MB21D2: variants seen among roughly 807,000 people sequenced by gnomAD.
MB21D2 encodes Mab-21 domain containing 2, also known as nucleotidyltransferase MB21D2.
In MB21D2, 9 loss-of-function variants were observed where a neutral mutation model predicts 33.3. The observed-to-expected ratio is 0.27, with a 90% confidence interval of 0.16 to 0.47. The LOEUF (loss-of-function observed/expected upper bound fraction) is 0.47, where lower values mean the gene tolerates loss of function less well. MB21D2 is among the 20% of genes least tolerant of loss of function. MB21D2 has a pLI of 0.99. For missense variants in MB21D2, 540 were observed against 624.6 expected (o/e 0.86, Z 1.44); for synonymous variants, 241 against 236.3 (o/e 1.02, Z -0.18).
At chr3:192,896,874 G>A (rs554115520) in intron 1 of MB21D2, among the ~76,000 whole-genome samples, 1 of 152,302 alleles carries the variant, frequency 6.6e-6, no homozygotes, top group African/African-American at 2.4e-5. Context: ...CCCCCTAGGA[G>A]GAGCAAAGAG....
At position 192,884,657 on chromosome 3, in the gene MB21D2, G is replaced by A. The variant is rs189582937; in HGVS notation, c.211+32973C>T. On this transcript the variant is annotated intron_variant, in intron 1 of 1. Coordinates refer to ENST00000392452, the MANE Select transcript of MB21D2 (RefSeq NM_178496.4). The stretch of plus-strand genomic sequence containing the variant: ...GCTGGCATTACAGGCGTGAGCCATC[G>A]CACCCGGCCAGAGGTGCATGTCTTG... Among the ~76,000 whole-genome samples, 82 of 152,102 alleles carry A rather than the reference G, an allele frequency of 5.4e-4. 1 individual carries two copies. The highest frequency in any genetic ancestry group is 8.3e-4 in the South Asian group (4 of 4,812).
intron 1 of MB21D2, among the ~76,000 whole-genome samples, chr3:192,896,658 A>G (rs1352667765): frequency 6.6e-6 from 1 of 152,236 alleles, no homozygotes; most frequent in Non-Finnish European, 1.5e-5. Context: ...AGACATTGCC[A>G]CTGGAAACTA....
At chr3:192,908,054 A>G (rs935160468) in intron 1 of MB21D2, among the ~76,000 whole-genome samples, 3 of 152,190 alleles carry the variant, frequency 2.0e-5, no homozygotes, top group Non-Finnish European at 4.4e-5. Context: ...GAATGTAGAA[A>G]AACTTGCCCT....
At chr3:192,805,514 C>A (rs1426350406) in intron 1 of MB21D2, among the ~76,000 whole-genome samples, 1 of 152,070 alleles carries the variant, frequency 6.6e-6, no homozygotes, top group Non-Finnish European at 1.5e-5. Context: ...TGGTAATGCC[C>A]TATTGACCAG....
chr3:192,807,892 C>T (rs1042003416), intron 1 of MB21D2, among the ~76,000 whole-genome samples: 5 of 151,580 alleles, frequency 3.3e-5, no homozygotes, highest in Admixed American at 3.3e-4. Context: ...AGTAACAAAG[C>T]TAATATCTCA....
chr3:192,833,027 T>G (rs1560234199), intron 1 of MB21D2, among the ~76,000 whole-genome samples: 1 of 151,100 alleles, frequency 6.6e-6, no homozygotes, highest in Non-Finnish European at 1.5e-5. Context: ...TAGTAAAATC[T>G]TTTTCCTTTA....
At chr3:192,831,833 G>A (rs918295011) in intron 1 of MB21D2, among the ~76,000 whole-genome samples, 9 of 152,208 alleles carry the variant, frequency 5.9e-5, no homozygotes, top group Admixed American at 3.9e-4. Context: ...GAAAAGACTG[G>A]AAGGATGAAG....
At chr3:192,822,535 G>A (rs1416232581) in intron 1 of MB21D2, among the ~76,000 whole-genome samples, 5 of 152,184 alleles carry the variant, frequency 3.3e-5, no homozygotes, top group Admixed American at 6.5e-5. Context: ...GGTCCACCAC[G>A]GGGAAGTGCT....
At chr3:192,841,661 C>G (rs543404177) in intron 1 of MB21D2, among the ~76,000 whole-genome samples, 1 of 152,216 alleles carries the variant, frequency 6.6e-6, no homozygotes, top group South Asian at 2.1e-4. Flanking sequence ...TGAGCCAGAG[C>G]CACCTGCTAA....
chr3:192,889,396 A>C lies in MB21D2; in HGVS notation c.211+28234T>G, dbSNP rs185347191. 5.9e-5 allele frequency among the ~76,000 whole-genome samples: 9 copies of C among 152,264 alleles called. No individual in the cohort carries two copies. In the East Asian group the frequency reaches 1.7e-3, roughly 29 times the overall value. On this transcript the variant is annotated intron_variant, in intron 1 of 1. Coordinates refer to ENST00000392452, the MANE Select transcript of MB21D2 (RefSeq NM_178496.4). ...AGAGAGCAGGAGCTCTTGGCAGAAA[A>C]GAATTCAATGGGCTGCTTATTACAG...
intron 1 of MB21D2, among the ~76,000 whole-genome samples, chr3:192,880,625 G>C (rs1484195059): frequency 6.6e-6 from 1 of 152,014 alleles, no homozygotes; most frequent in African/African-American, 2.4e-5. Flanking sequence ...GCTGTCGGAG[G>C]GGACGGACTC....
At chr3:192,822,258 T>C (rs59263900) in intron 1 of MB21D2, among the ~76,000 whole-genome samples, 11,694 of 152,136 alleles carry the variant, frequency 0.077, 667 homozygotes, top group African/African-American at 0.13. Context: ...TGTTTCTAAA[T>C]TGAGTTGAAG....
At chr3:192,905,421 G>A (rs1714188371) in intron 1 of MB21D2, among the ~76,000 whole-genome samples, 1 of 151,874 alleles carries the variant, frequency 6.6e-6, no homozygotes, top group African/African-American at 2.4e-5. Context: ...GGCGGATCAC[G>A]AGGTCAGGAG....
chr3:192,862,922 C>T (rs1713082392), intron 1 of MB21D2, among the ~76,000 whole-genome samples: 1 of 152,200 alleles, frequency 6.6e-6, no homozygotes, highest in African/African-American at 2.4e-5. Flanking sequence ...TGCCCTGTTG[C>T]TGCACACTCC....
chr3:192,809,797 G>T lies in MB21D2; in HGVS notation c.212-10147C>A, dbSNP rs9882531. The stretch of plus-strand genomic sequence containing the variant: ...TAGTGCTGAGACACACAGCTATGTG[G>T]GTGCACACGTGTGCGTGTGCATCTG... On this transcript the variant is annotated intron_variant, in intron 1 of 1. Transcript: ENST00000392452. 7.9e-5 allele frequency among the ~76,000 whole-genome samples: 12 copies of T among 152,100 alleles called. No individual in the cohort carries two copies. The South Asian group carries it at 1.9e-3, about 24-fold the overall frequency.
chr3:192,812,788 T>C (rs751741485), intron 1 of MB21D2, among the ~76,000 whole-genome samples: 10 of 152,212 alleles, frequency 6.6e-5, no homozygotes, highest in Non-Finnish European at 1.5e-4. Context: ...GGAGAAAAGT[T>C]ACTATATAAC....
At chr3:192,856,574 A>C (rs1181952215) in intron 1 of MB21D2, among the ~76,000 whole-genome samples, 1 of 151,902 alleles carries the variant, frequency 6.6e-6, no homozygotes, top group Non-Finnish European at 1.5e-5. Context: ...TTTTTCTCTT[A>C]AGACAGTCTT....
chr3:192,876,790 T>A (rs1161140357), intron 1 of MB21D2, among the ~76,000 whole-genome samples: 1 of 152,178 alleles, frequency 6.6e-6, no homozygotes, highest in Non-Finnish European at 1.5e-5. Flanking sequence ...CACTCCTTCC[T>A]CCCTTTTGGT....
chr3:192,804,426 TAC>T (rs10552964), intron 1 of MB21D2, among the ~76,000 whole-genome samples: 84,732 of 146,878 alleles, frequency 0.58, 24,943 homozygotes, highest in Middle Eastern at 0.7. Flanking sequence ...TTAAAACAGA[TAC>T]ACACACACAC....
Sources: allele counts gnomAD v4.1 joint callset (sites outside exome capture counted in the v4.1 genomes callset), GRCh38; gene constraint gnomAD v4.1.1; transcripts MANE v1.5; gene names NCBI Gene and HGNC (gene_info 2026-07-23, HGNC 2026-07-21).